Variants in TCF7L2 observed in about 807,000 individuals in gnomAD.
The protein encoded by TCF7L2 is transcription factor 7 like 2.
Under a neutral mutation model 77.9 loss-of-function variants are expected in TCF7L2, and 23 were observed. The observed-to-expected ratio is 0.30, with a 90% CI of 0.21 to 0.42. TCF7L2 has a LOEUF of 0.42. TCF7L2 is among the 10% of genes least tolerant of loss of function. The probability of loss-of-function intolerance (pLI) is 1.00; values close to 1 mark genes in which losing one functional copy is unlikely to be tolerated. For missense variants in TCF7L2, 654 were observed against 793.1 expected (o/e 0.82, Z 2.11); for synonymous variants, 413 against 340.2 (o/e 1.21, Z -2.36).
Position 113,021,014 on chromosome 10 carries a change from C to A in TCF7L2, c.451-19011C>A, listed in dbSNP as rs1465846773. Among the ~76,000 whole-genome samples, 4 of 152,278 alleles carry A rather than the reference C, an allele frequency of 2.6e-5. No homozygotes were observed. The South Asian group carries it at 8.3e-4, about 32-fold the overall frequency. ...TCACCTGACTCCTAAGCCCTGTGAT[C>A]GTTCTCTTCTGTCTCTAGTATACCC... is the stretch of plus-strand genomic sequence containing the variant. On this transcript the variant is annotated intron_variant, in intron 4 of 13. Transcript: ENST00000627217.
intron 5 of TCF7L2, among the ~76,000 whole-genome samples, chr10:113,107,949 A>C (rs558353281): frequency 2.0e-5 from 3 of 152,222 alleles, no homozygotes; most frequent in African/African-American, 7.2e-5. Flanking sequence ...TAAAAATAGC[A>C]GTGAACCCTA....
chr10:113,062,186 T>A (rs2056561897), intron 5 of TCF7L2, among the ~76,000 whole-genome samples: 1 of 152,124 alleles, frequency 6.6e-6, no homozygotes. Context: ...ACTGAACCAG[T>A]CCTCTATCAC....
At chr10:113,075,473 A>AAAGAG (rs1157249598) in intron 5 of TCF7L2, among the ~76,000 whole-genome samples, 9 of 144,606 alleles carry the variant, frequency 6.2e-5, no homozygotes, top group African/African-American at 1.5e-4. Flanking sequence ...AAAAAAAAGA[A>AAAGAG]AAAAGAAAAA....
intron 4 of TCF7L2, among the ~76,000 whole-genome samples, chr10:113,029,524 CT>C (rs35839723): frequency 0.019 from 2,474 of 130,184 alleles, 38 homozygotes; most frequent in African/African-American, 0.058. Context: ...CTCCATTCCT[CT>C]TTTTTTTTTT....
rs1372207530 is a variant in TCF7L2, at chr10:113,124,613, G to GGACA, written c.553-16570_553-16567dup. The stretch of plus-strand genomic sequence containing the variant: ...TAGTTATAAGTGATATAACTCTGCA[G>GGACA]GACATAGATATAGATGTTGAGATGA... On this transcript the variant is annotated intron_variant, in intron 5 of 13. Coordinates refer to ENST00000627217, the MANE Select transcript of TCF7L2 (RefSeq NM_001146274.2). Among the ~76,000 whole-genome samples the GGACA allele has an allele frequency of 2.6e-5, 4 of 152,084 alleles. No homozygotes were observed. In the East Asian group the frequency reaches 7.7e-4, roughly 29 times the overall value.
At chr10:113,079,067 T>A (rs1014924251) in intron 5 of TCF7L2, among the ~76,000 whole-genome samples, 1 of 151,544 alleles carries the variant, frequency 6.6e-6, no homozygotes, top group Non-Finnish European at 1.5e-5. Context: ...CTCCTGACCT[T>A]AAGTGATCCA....
intron 5 of TCF7L2, among the ~76,000 whole-genome samples, chr10:113,065,159 T>C (rs1304803075): frequency 6.6e-6 from 1 of 152,232 alleles, no homozygotes; most frequent in South Asian, 2.1e-4. Flanking sequence ...TGGTACCAGC[T>C]ACTCCTAGTA....
intron 5 of TCF7L2, among the ~76,000 whole-genome samples, chr10:113,049,824 A>C (rs900067376): frequency 6.6e-6 from 1 of 152,182 alleles, no homozygotes; most frequent in Non-Finnish European, 1.5e-5. Context: ...CCTAGATGCC[A>C]CTAAGCCCAG....
chr10:113,064,744 C>T (rs115809423), intron 5 of TCF7L2, among the ~76,000 whole-genome samples: 2,337 of 152,254 alleles, frequency 0.015, 56 homozygotes, highest in African/African-American at 0.053. Flanking sequence ...ATGCTTCAGC[C>T]GGGTTTCTTT....
chr10:113,108,998 T>C (rs1199581021), intron 5 of TCF7L2, among the ~76,000 whole-genome samples: 1 of 152,236 alleles, frequency 6.6e-6, no homozygotes, highest in East Asian at 1.9e-4. Context: ...GTACTAATTG[T>C]ACCACCATAC....
chr10:113,109,624 C>A (rs1277229186), intron 5 of TCF7L2, among the ~76,000 whole-genome samples: 1 of 152,212 alleles, frequency 6.6e-6, no homozygotes, highest in East Asian at 1.9e-4. Flanking sequence ...CTCCTGACCG[C>A]AGGTCAACCA....
intron 4 of TCF7L2, among the ~76,000 whole-genome samples, chr10:113,027,872 C>T (rs2049478191): frequency 6.6e-6 from 1 of 152,136 alleles, no homozygotes; most frequent in African/African-American, 2.4e-5. Flanking sequence ...CTGTTCTTGC[C>T]ACCCGTCCCA....
intron 3 of TCF7L2, among the ~76,000 whole-genome samples, chr10:112,953,253 C>T (rs2032496149): frequency 6.6e-6 from 1 of 152,104 alleles, no homozygotes; most frequent in South Asian, 2.1e-4. Flanking sequence ...TAATTATTCC[C>T]CCCCTGCCCG....
intron 4 of TCF7L2, among the ~76,000 whole-genome samples, chr10:113,012,084 A>G (rs57225583): frequency 0.14 from 20,561 of 152,142 alleles, 1,489 homozygotes; most frequent in Non-Finnish European, 0.15. Flanking sequence ...TATTGCTGCT[A>G]CTGCGCCTTG....
At chr10:112,987,951 G>C (rs565444257) in intron 4 of TCF7L2, 13 of 148,230 alleles carry the variant, frequency 8.8e-5, no homozygotes, top group Admixed American at 3.4e-4. Flanking sequence ...AAACGCACCA[G>C]AGACAAATAC....
chr10:112,992,786 CGGAGTCTCACTCTGT>C (rs2042812263), intron 4 of TCF7L2, among the ~76,000 whole-genome samples: 6 of 150,522 alleles, frequency 4.0e-5, no homozygotes, highest in African/African-American at 1.5e-4. Flanking sequence ...TTTTTTGAGA[CGGAGTCTCACTCTGT>C]CACCCAGGCT....
intron 5 of TCF7L2, among the ~76,000 whole-genome samples, chr10:113,118,779 G>C (rs2064293185): frequency 6.6e-6 from 1 of 150,852 alleles, no homozygotes; most frequent in Non-Finnish European, 1.5e-5. Flanking sequence ...GTTGTGGCAT[G>C]TTATCATAAA....
intron 4 of TCF7L2, among the ~76,000 whole-genome samples, chr10:112,966,184 TTATATATATATATA>T (rs141060651): frequency 4.4e-5 from 5 of 114,232 alleles, no homozygotes; most frequent in East Asian, 4.7e-4. Context: ...TAAAATATAT[TTATATATATATATA>T]TATATATATA....
chr10:113,088,802 A>T (rs1290141786), intron 5 of TCF7L2, among the ~76,000 whole-genome samples: 2 of 151,990 alleles, frequency 1.3e-5, no homozygotes, highest in South Asian at 2.1e-4. Flanking sequence ...ACAAAAAAAT[A>T]AAATAAAAAT....
Sources: gnomAD v4.1 joint callset for allele counts (sites outside exome capture counted in the v4.1 genomes callset) on GRCh38, gnomAD v4.1.1 for gene constraint, MANE v1.5 for transcripts, NCBI Gene and HGNC (gene_info 2026-07-23, HGNC 2026-07-21) for gene names.